Variants in FAM171B observed in about 807,000 individuals in gnomAD.
FAM171B encodes family with sequence similarity 171 member B.
In FAM171B, 19 loss-of-function variants were observed where a neutral mutation model predicts 75.6. The observed-to-expected ratio is 0.25, with a 90% CI of 0.18 to 0.37. The LOEUF is 0.37. Ranked by LOEUF, FAM171B falls within the 10% of genes least tolerant of loss-of-function variation. The probability of loss-of-function intolerance (pLI) is 1.00; values close to 1 mark genes in which losing one functional copy is unlikely to be tolerated. For missense variants in FAM171B, 848 were observed against 982.4 expected, an observed-to-expected ratio of 0.86 and a Z score of 1.83; for synonymous variants, 367 against 361.7, an observed-to-expected ratio of 1.01 and a Z score of -0.17.
chr2:186,709,350 T>C (rs1312054185), intron 1 of FAM171B, among the ~76,000 whole-genome samples: 1 of 152,172 alleles, frequency 6.6e-6, no homozygotes, highest in Non-Finnish European at 1.5e-5. Context: ...TATCATTCCC[T>C]ATTAGAAAAG....
Position 186,700,238 on chromosome 2 carries a change from GT to G in FAM171B, c.238+5837del, listed in dbSNP as rs371777426. On this transcript the variant is annotated intron_variant, in intron 1 of 7. Transcript: ENST00000304698. ...CTTCGGGTAGTATGGACTGAGTTTT[GT>G]TTTTTTTTTCTTAATAGGTCCTTTT... Among the ~76,000 whole-genome samples the G allele has an allele frequency of 4.3e-3, 627 of 145,234 alleles. 1 individual carries two copies. Among genetic ancestry groups the G allele is most frequent in the African/African-American group, 0.015 (592 of 39,730 alleles).
At chr2:186,758,800 T>A (rs1344354465) in intron 6 of FAM171B, among the ~76,000 whole-genome samples, 1 of 152,102 alleles carries the variant, frequency 6.6e-6, no homozygotes, top group East Asian at 1.9e-4. Context: ...ATAAATGGGG[T>A]ATTACCTCAA....
chr2:186,734,659 C>T (rs920697198), intron 1 of FAM171B, among the ~76,000 whole-genome samples: 1 of 152,106 alleles, frequency 6.6e-6, no homozygotes, highest in African/African-American at 2.4e-5. Flanking sequence ...GAAGATGCAC[C>T]AGAAGTTCTC....
chr2:186,731,837 A>G (rs1249779502), intron 1 of FAM171B, among the ~76,000 whole-genome samples: 1 of 152,084 alleles, frequency 6.6e-6, no homozygotes, highest in Non-Finnish European at 1.5e-5. Flanking sequence ...TCATAGGAGC[A>G]TGAACCCTAT....
intron 6 of FAM171B, among the ~76,000 whole-genome samples, chr2:186,754,811 C>G (rs914353639): frequency 1.3e-5 from 2 of 152,146 alleles, no homozygotes; most frequent in Non-Finnish European, 2.9e-5. Flanking sequence ...TTGTAAATTT[C>G]CTAAAAACAT....
chr2:186,699,151 G>A (rs1689621271), intron 1 of FAM171B, among the ~76,000 whole-genome samples: 1 of 152,114 alleles, frequency 6.6e-6, no homozygotes, highest in Admixed American at 6.6e-5. Flanking sequence ...CCTAACAGCT[G>A]TATTGCTGGA....
intron 1 of FAM171B, among the ~76,000 whole-genome samples, chr2:186,698,048 C>T (rs963084518): frequency 4.6e-5 from 7 of 152,188 alleles, no homozygotes; most frequent in Admixed American, 3.9e-4. Context: ...ATTTCTCCAT[C>T]TGTACCAGTA....
At chr2:186,745,900 A>C (rs936283991) in intron 3 of FAM171B, among the ~76,000 whole-genome samples, 1 of 152,220 alleles carries the variant, frequency 6.6e-6, no homozygotes, top group African/African-American at 2.4e-5. Context: ...AACAGCATAT[A>C]ATTATGTTAC....
Position 186,740,292 on chromosome 2 carries a change from A to G in FAM171B, c.303A>G (p.Ala101=). 1.2e-6 allele frequency: 2 copies of G among 1,614,102 alleles called. No individual in the cohort carries two copies. Among genetic ancestry groups the G allele is most frequent in the South Asian group, 1.1e-5 (1 of 91,084 alleles). Residue 101 remains alanine (A), a synonymous_variant, in exon 2 of 8, where the codon GCA becomes GCG. Coordinates refer to ENST00000304698, the MANE Select transcript of FAM171B (RefSeq NM_177454.4). ...TCAGTCGTCAGTACCTGAGCCAAGCAGTTGTAGAAGTGTTTGTAAACTACA... is the reference window on the plus strand; with the variant it reads ...TCAGTCGTCAGTACCTGAGCCAAGCGGTTGTAGAAGTGTTTGTAAACTACA... ...DIISRQYLSQ[A]VVEVFVNYTK... is the part of the protein sequence containing the mutation.
In FAM171B at chr2:186,742,835, G is replaced by A. The variant is rs140714438; in HGVS notation, c.473-648G>A. ...TGTCCCAGCTTCTTGCTCCAATCTT[G>A]AAATAATATCTTTCAGGTAATCTGC... is the stretch of plus-strand genomic sequence containing the variant. On this transcript the variant is annotated intron_variant, in intron 2 of 7. Coordinates refer to ENST00000304698, the MANE Select transcript of FAM171B (RefSeq NM_177454.4). Among the ~76,000 whole-genome samples, 22 of 152,218 alleles carry A rather than the reference G, an allele frequency of 1.4e-4. No individual in the cohort carries two copies. The East Asian group carries it at 4.2e-3, about 29-fold the overall frequency.
chr2:186,738,210 C>T (rs770187485), intron 1 of FAM171B, among the ~76,000 whole-genome samples: 6 of 152,202 alleles, frequency 3.9e-5, no homozygotes, highest in Admixed American at 6.5e-5. Context: ...TTATTCCCAC[C>T]GTCCACAGCC....
At position 186,751,171 on chromosome 2, in the gene FAM171B, A is replaced by G. The variant is rs1362913582; in HGVS notation, c.762A>G (p.Ile254Met). Residue 254 changes from isoleucine to methionine, a missense_variant, in exon 5 of 8, where the codon ATA becomes ATG. This residue lies in a region of FAM171B where 665 missense variants were observed against 729.0 expected (regional missense o/e 0.91). Coordinates refer to ENST00000304698, the MANE Select transcript of FAM171B (RefSeq NM_177454.4). Reference protein sequence around the residue: ...ENIELTPLAAICVKIYSGGKE... With the variant: ...ENIELTPLAAMCVKIYSGGKE... The stretch of plus-strand genomic sequence containing the variant: ...TTGAATTGACTCCTCTTGCTGCAAT[A>G]TGTGTGAAAATATATTCTGGAGGAA... The G allele has an allele frequency of 1.9e-6, 3 of 1,609,038 alleles. No individual in the cohort carries two copies. Among genetic ancestry groups the G allele is most frequent in the African/African-American group, 2.7e-5 (2 of 74,822 alleles).
At chr2:186,735,272 T>C (rs1247323409) in intron 1 of FAM171B, among the ~76,000 whole-genome samples, 1 of 152,084 alleles carries the variant, frequency 6.6e-6, no homozygotes, top group African/African-American at 2.4e-5. Context: ...ATTGGTTGGG[T>C]TGGAGATGAA....
At chr2:186,731,654 C>A (rs561300231) in intron 1 of FAM171B, among the ~76,000 whole-genome samples, 1 of 152,164 alleles carries the variant, frequency 6.6e-6, no homozygotes, top group Admixed American at 6.5e-5. Context: ...GGTCTGAAAC[C>A]CCTGGGACAC....
intron 6 of FAM171B, among the ~76,000 whole-genome samples, chr2:186,756,886 C>G (rs571413947): frequency 6.6e-6 from 1 of 152,202 alleles, no homozygotes; most frequent in South Asian, 2.1e-4. Flanking sequence ...GGAACACTTA[C>G]TTACACTTAC....
At chr2:186,722,726 G>A (rs1380038361) in intron 1 of FAM171B, among the ~76,000 whole-genome samples, 2 of 152,160 alleles carry the variant, frequency 1.3e-5, no homozygotes, top group Non-Finnish European at 1.5e-5. Context: ...CTTGGCAGGA[G>A]GTGGAGGTCA....
chr2:186,727,486 T>A (rs1335190210), intron 1 of FAM171B, among the ~76,000 whole-genome samples: 3 of 152,154 alleles, frequency 2.0e-5, no homozygotes, highest in African/African-American at 7.2e-5. Flanking sequence ...AAACTTTTTC[T>A]GTAGAGTGCC....
At chr2:186,717,153 C>A (rs892469290) in intron 1 of FAM171B, among the ~76,000 whole-genome samples, 6 of 152,126 alleles carry the variant, frequency 3.9e-5, no homozygotes, top group African/African-American at 1.4e-4. Context: ...AGTCAGAGCA[C>A]ATTTTTGAAA....
intron 1 of FAM171B, among the ~76,000 whole-genome samples, chr2:186,699,601 T>C (rs542444823): frequency 2.0e-5 from 3 of 152,184 alleles, no homozygotes; most frequent in Non-Finnish European, 4.4e-5. Context: ...TGTTGATTGT[T>C]TCCTTTGCTC....
Sources: gnomAD v4.1 joint callset for allele counts (sites outside exome capture counted in the v4.1 genomes callset) on GRCh38, gnomAD v4.1.1 for gene constraint, gnomAD v4.1.1 regional missense constraint, MANE v1.5 for transcripts, NCBI Gene and HGNC (gene_info 2026-07-23, HGNC 2026-07-21) for gene names.